Variants in CSMD1 observed in about 807,000 individuals in gnomAD.
CSMD1 encodes CUB and Sushi multiple domains 1.
CSMD1 carries 213 observed loss-of-function variants against 417.5 expected under a neutral mutation model. That is an observed-to-expected ratio of 0.51 (90% CI 0.46 to 0.57). The LOEUF (loss-of-function observed/expected upper bound fraction) is 0.57, where lower values mean the gene tolerates loss of function less well. Ranked by LOEUF, CSMD1 falls within the 20% of genes least tolerant of loss-of-function variation. The pLI is 0.00. For missense variants in CSMD1, 6,923 were observed against 4,529.7 expected (o/e 1.53, Z -15.17); for synonymous variants, 2,862 against 1,736.8 (o/e 1.65, Z -16.11).
At position 4,859,595 on chromosome 8, in the gene CSMD1, C is replaced by T. The variant is rs548381325; in HGVS notation, c.85+134737G>A. 1.1e-3 allele frequency among the ~76,000 whole-genome samples: 160 copies of T among 152,064 alleles called. 1 individual carries two copies. The highest frequency in any genetic ancestry group is 3.0e-3 in the Admixed American group (46 of 15,272). ...ACAAACAACCCCATCAAAAAGTGGG[C>T]GAAGGACATGAACAGACACTTCTCA... is the stretch of plus-strand genomic sequence containing the variant. On this transcript the variant is annotated intron_variant, in intron 1 of 69. Coordinates refer to ENST00000635120, the MANE Select transcript of CSMD1 (RefSeq NM_033225.6).
intron 1 of CSMD1, among the ~76,000 whole-genome samples, chr8:4,934,936 A>G (rs1286078169): frequency 2.6e-5 from 4 of 152,148 alleles, no homozygotes; most frequent in African/African-American, 4.8e-5. Context: ...TCCATCAATC[A>G]TCTATTTAAA....
chr8:3,081,002 T>C (rs1814055637), intron 49 of CSMD1, among the ~76,000 whole-genome samples: 1 of 152,100 alleles, frequency 6.6e-6, no homozygotes, highest in Non-Finnish European at 1.5e-5. Flanking sequence ...AAAGGAAAAA[T>C]ATTCTCCCAT....
chr8:3,574,853 A>G, intron 10 of CSMD1, 92 bp downstream of exon 10: 1 of 1,411,908 alleles, frequency 7.1e-7, no homozygotes, highest in East Asian at 2.4e-5. Flanking sequence ...AAGTGTAAGC[A>G]CGGATAGCAT....
chr8:4,603,490 G>GT (rs1800703429), intron 2 of CSMD1, among the ~76,000 whole-genome samples: 1 of 152,014 alleles, frequency 6.6e-6, no homozygotes, highest in Admixed American at 6.6e-5. Flanking sequence ...AATAATAAAG[G>GT]TAAGTATTAA....
intron 2 of CSMD1, among the ~76,000 whole-genome samples, chr8:4,452,730 G>A (rs577576101): frequency 2.6e-5 from 4 of 152,040 alleles, no homozygotes; most frequent in Admixed American, 1.3e-4. Context: ...CACGGACACA[G>A]ACACAGGTTA....
At chr8:4,495,556 C>A (rs143434507) in intron 2 of CSMD1, among the ~76,000 whole-genome samples, 1 of 151,110 alleles carries the variant, frequency 6.6e-6, no homozygotes, top group African/African-American at 2.4e-5. Flanking sequence ...GCCTGGGTGA[C>A]AGAGCAAGAC....
rs1801531731 is a variant in CSMD1, at chr8:4,852,402, C to T, written c.85+141930G>A. Among the ~76,000 whole-genome samples, 3 of 152,232 alleles carry T rather than the reference C, an allele frequency of 2.0e-5. No individual in the cohort carries two copies. The South Asian group carries it at 6.2e-4, about 32-fold the overall frequency. On this transcript the variant is annotated intron_variant, in intron 1 of 69. Transcript: ENST00000635120. ...GCTCCTCTCCTCTCTCTCTCGTTCT[C>T]ACTCTTGCTATGTGATGCACTGTCT...
At chr8:3,549,834 T>A (rs36078404) in intron 10 of CSMD1, among the ~76,000 whole-genome samples, 60,305 of 151,930 alleles carry the variant, frequency 0.4, 12,298 homozygotes, top group Non-Finnish European at 0.44. Context: ...CAATTTCAGG[T>A]ATTCTGTTAC....
chr8:3,497,071 C>T (rs1341892111), intron 10 of CSMD1, among the ~76,000 whole-genome samples: 2 of 152,096 alleles, frequency 1.3e-5, no homozygotes, highest in Admixed American at 6.5e-5. Context: ...TACGATCAGT[C>T]CTGAAGAATA....
intron 52 of CSMD1, among the ~76,000 whole-genome samples, chr8:3,017,564 G>A (rs1478161197): frequency 2.6e-5 from 4 of 152,030 alleles, no homozygotes; most frequent in East Asian, 1.9e-4. Flanking sequence ...TGTAAGTCCT[G>A]CAGTGATTTA....
chr8:4,714,501 T>C (rs1808518916), intron 1 of CSMD1, among the ~76,000 whole-genome samples: 1 of 152,168 alleles, frequency 6.6e-6, no homozygotes, highest in South Asian at 2.1e-4. Context: ...TTTTCAGAAA[T>C]ACTTTAATAA....
intron 2 of CSMD1, among the ~76,000 whole-genome samples, chr8:4,574,608 T>C (rs574130582): frequency 1.3e-5 from 2 of 152,332 alleles, no homozygotes; most frequent in African/African-American, 2.4e-5. Flanking sequence ...TGTGTCTCAA[T>C]TTATGTGTCC....
intron 1 of CSMD1, among the ~76,000 whole-genome samples, chr8:4,709,481 G>C (rs560073823): frequency 1.3e-5 from 2 of 152,206 alleles, no homozygotes; most frequent in Admixed American, 6.5e-5. Context: ...GTAAGGAACA[G>C]GGGGAGCCTC....
In CSMD1 at chr8:3,982,143, G is replaced by A. The variant is rs538114776; in HGVS notation, c.818+15760C>T. On this transcript the variant is annotated intron_variant, in intron 5 of 69. Coordinates refer to ENST00000635120, the MANE Select transcript of CSMD1 (RefSeq NM_033225.6). ...ACTGCACTCCAGCCTGGGTGACACA[G>A]CGAGGCTCTATCTCAAAAATAATAA... is the stretch of plus-strand genomic sequence containing the variant. 9.2e-4 allele frequency among the ~76,000 whole-genome samples: 135 copies of A among 147,146 alleles called. 2 individuals carry two copies. In the South Asian group the frequency reaches 0.027, roughly 30 times the overall value.
chr8:4,409,812 C>T (rs916755006), intron 3 of CSMD1, among the ~76,000 whole-genome samples: 15 of 151,886 alleles, frequency 9.9e-5, no homozygotes, highest in African/African-American at 3.6e-4. Context: ...CAATACCGTA[C>T]TTTTAGTTTG....
intron 1 of CSMD1, among the ~76,000 whole-genome samples, chr8:4,707,885 TCAAAAAAAAAAAAAAAAAAAAAAAAA>T (rs1808045172): frequency 2.2e-5 from 1 of 44,642 alleles, no homozygotes; most frequent in African/African-American, 9.6e-5. Context: ...AGACTTTGTT[TCAAAAAAAAAAAAAAAAAAAAAAAAA>T]AAAAAAAAAA....
intron 5 of CSMD1, among the ~76,000 whole-genome samples, chr8:3,852,036 G>C (rs961820047): frequency 3.3e-5 from 5 of 152,178 alleles, no homozygotes; most frequent in Non-Finnish European, 5.9e-5. Flanking sequence ...CCCTGGACCT[G>C]TATGAAAAAT....
chr8:3,942,432 A>G (rs1228940370), intron 5 of CSMD1, among the ~76,000 whole-genome samples: 1 of 152,120 alleles, frequency 6.6e-6, no homozygotes, highest in Non-Finnish European at 1.5e-5. Flanking sequence ...CATTTATGGT[A>G]CCTGAACCAC....
At chr8:4,145,682 C>T (rs1375545076) in intron 3 of CSMD1, among the ~76,000 whole-genome samples, 1 of 151,002 alleles carries the variant, frequency 6.6e-6, no homozygotes, top group African/African-American at 2.5e-5. Context: ...CAACACCACA[C>T]CTGGCCACAT....
Sources: gnomAD v4.1 joint callset for allele counts (sites outside exome capture counted in the v4.1 genomes callset) on GRCh38, gnomAD v4.1.1 for gene constraint, MANE v1.5 for transcripts, NCBI Gene and HGNC (gene_info 2026-07-23, HGNC 2026-07-21) for gene names.